VPS50: variants seen among roughly 807,000 people sequenced by gnomAD.
VPS50 encodes the protein VPS50 subunit of EARP/GARPII complex.
VPS50 carries 70 observed loss-of-function variants against 139.7 expected under a neutral mutation model. The observed-to-expected ratio is 0.50, with a 90% CI of 0.41 to 0.61. The LOEUF (loss-of-function observed/expected upper bound fraction) is 0.61. VPS50 is among the 20% of genes least tolerant of loss of function. The pLI, the probability that VPS50 is intolerant of heterozygous loss-of-function variation, is 0.00. For synonymous variants in VPS50, 365 were observed against 376.7 expected, an observed-to-expected ratio of 0.97 and a Z score of 0.36; for missense variants, 921 against 1,133.7, an observed-to-expected ratio of 0.81 and a Z score of 2.69.
At chr7:93,297,068 TG>T (rs764168933) in intron 15 of VPS50, 76 bp from the exon 16 acceptor site, 63 of 1,503,412 alleles carry the variant, frequency 4.2e-5, no homozygotes, top group Non-Finnish European at 5.2e-5. Context: ...TTTTTATCTT[TG>T]AAGAAAGAGA....
intron 21 of VPS50, among the ~76,000 whole-genome samples, chr7:93,332,840 A>C (rs1401008415): frequency 1.3e-5 from 2 of 152,248 alleles, no homozygotes; most frequent in Non-Finnish European, 2.9e-5. Context: ...GAATCTCAAA[A>C]GCATTCTGAG....
chr7:93,258,896 A>G (rs1014759297), intron 8 of VPS50, among the ~76,000 whole-genome samples: 2 of 152,038 alleles, frequency 1.3e-5, no homozygotes, highest in African/African-American at 4.8e-5. Context: ...GTACTTTGTC[A>G]TTATCAGCAT....
At chr7:93,348,073 T>C (rs568091260) in intron 23 of VPS50, among the ~76,000 whole-genome samples, 2 of 152,302 alleles carry the variant, frequency 1.3e-5, no homozygotes, top group African/African-American at 4.8e-5. Context: ...TTCTTTGGCA[T>C]TTCTATAAAA....
chr7:93,318,134 CAT>C (rs1447003112), intron 20 of VPS50, among the ~76,000 whole-genome samples: 1 of 151,378 alleles, frequency 6.6e-6, no homozygotes, highest in Admixed American at 6.6e-5. Flanking sequence ...TATGAGATAA[CAT>C]ATATTTAGAT....
chr7:93,272,866 A>G, intron 11 of VPS50, 133 bp downstream of exon 11: 2 of 532,656 alleles, frequency 3.8e-6, no homozygotes, highest in Non-Finnish European at 6.6e-6. Context: ...TTCTGAATTA[A>G]CAGTGATAAA....
intron 16 of VPS50, among the ~76,000 whole-genome samples, chr7:93,298,787 A>G (rs1796887232): frequency 6.6e-6 from 1 of 152,240 alleles, no homozygotes. Context: ...AACTTCTCTT[A>G]GAAACATTTG....
intron 12 of VPS50, among the ~76,000 whole-genome samples, chr7:93,281,484 A>G (rs1398297088): frequency 6.6e-6 from 1 of 152,144 alleles, no homozygotes; most frequent in Non-Finnish European, 1.5e-5. Flanking sequence ...TTTACTATGG[A>G]TAATAAGCTG....
intron 21 of VPS50, among the ~76,000 whole-genome samples, chr7:93,333,319 TTGTG>T (rs1184955725): frequency 1.3e-5 from 2 of 152,118 alleles, no homozygotes; most frequent in Non-Finnish European, 2.9e-5. Flanking sequence ...TCATGTATGC[TTGTG>T]TGTGTGTATA....
chr7:93,297,186 A>T lies in VPS50; in HGVS notation c.1304A>T (p.Glu435Val). ...GAAGAATTTTGTGGTAGCAAGTCTG[A>T]AGTTTTACAGGAATCTATTAGAAAA... ...VGEEFCGSKS[E>V]VLQESIRKQS... is the part of the protein sequence containing the mutation. The change falls in exon 16 of 28, where the codon GAA becomes GTA. Residue 435 changes from glutamate to valine, a missense_variant. Physicochemically the swap from Glu to Val is moderately radical, Grantham distance 121. Around this residue, in one of 3 missense-constraint regions of VPS50, gnomAD observed 744 missense variants for 930.6 expected, o/e 0.80. Transcript: ENST00000305866. The T allele has an allele frequency of 6.4e-7, 1 of 1,566,814 alleles. No homozygotes were observed. The highest frequency in any genetic ancestry group is 1.2e-5 in the South Asian group (1 of 80,634).
chr7:93,293,317 T>A (rs1796703036), intron 13 of VPS50, among the ~76,000 whole-genome samples: 1 of 152,178 alleles, frequency 6.6e-6, no homozygotes, highest in South Asian at 2.1e-4. Context: ...TAACACATAT[T>A]TTAGATATCA....
intron 4 of VPS50, among the ~76,000 whole-genome samples, chr7:93,255,385 C>T (rs1244898918): frequency 2.6e-5 from 4 of 152,046 alleles, no homozygotes; most frequent in African/African-American, 9.7e-5. Context: ...CTAATGCCAC[C>T]GCTGATCTGA....
chr7:93,272,723 GA>G lies in VPS50; in HGVS notation c.796del (p.Thr266HisfsTer98). On this transcript the variant is annotated frameshift_variant, in exon 11 of 28. Coordinates refer to ENST00000305866, the MANE Select transcript of VPS50 (RefSeq NM_017667.4). LOFTEE classifies it high-confidence loss of function. ...TKVQQAYRLL[G>X]KTQTAMDQLH... is the part of the protein sequence containing the mutation. ...GTTCAACAAGCTTATCGACTTCTTG[GA>G]AAAACACAGGTTTGTTACAAAAGGA... 6.8e-7 allele frequency: 1 copy of G among 1,468,020 alleles called. No individual in the cohort carries two copies. The highest frequency in any genetic ancestry group is 9.4e-7 in the Non-Finnish European group (1 of 1,067,882). The allele number at this position is 1,468,020 out of a possible 1,614,324, so 90.9% of individuals were successfully genotyped here.
intron 25 of VPS50, among the ~76,000 whole-genome samples, chr7:93,350,687 GA>G (rs200940424): frequency 9.1e-4 from 137 of 150,068 alleles, no homozygotes; most frequent in African/African-American, 2.7e-3. Context: ...ATAATGCTGT[GA>G]AAAAAAAAGC....
intron 10 of VPS50, among the ~76,000 whole-genome samples, chr7:93,272,094 T>G (rs1158677611): frequency 1.3e-5 from 2 of 151,918 alleles, no homozygotes; most frequent in South Asian, 2.1e-4. Flanking sequence ...TAATAGATAT[T>G]ATTCTGTATT....
chr7:93,234,407 T>C (rs1794736937), intron 1 of VPS50, among the ~76,000 whole-genome samples: 2 of 152,144 alleles, frequency 1.3e-5, no homozygotes, highest in African/African-American at 2.4e-5. Context: ...TGGAAAAAAA[T>C]ACATTAAAGA....
chr7:93,257,183 C>T (rs751585565), intron 5 of VPS50, among the ~76,000 whole-genome samples: 3 of 152,006 alleles, frequency 2.0e-5, no homozygotes, highest in Admixed American at 6.6e-5. Context: ...ATTTTGTCAT[C>T]TGTCATTGTG....
intron 20 of VPS50, among the ~76,000 whole-genome samples, chr7:93,314,164 T>C (rs768805837): frequency 6.6e-5 from 10 of 152,210 alleles, no homozygotes; most frequent in Non-Finnish European, 1.0e-4. Flanking sequence ...TGCTTCTTCC[T>C]ACAAAGGGAG....
rs569349678 is a variant in VPS50 at position 93,237,191 on chromosome 7, C to T, written c.34-2675C>T. The stretch of plus-strand genomic sequence containing the variant: ...CAGGATAGTCTCCATCTCCTGACCT[C>T]GTGATCCGCCCGCCTCGGCCTCCCA... On this transcript the variant is annotated intron_variant, in intron 1 of 27. Transcript: ENST00000305866. Among the ~76,000 whole-genome samples the T allele has an allele frequency of 4.0e-5, 6 of 151,216 alleles. No homozygotes were observed. The South Asian group carries it at 1.3e-3, about 32-fold the overall frequency.
At chr7:93,266,581 A>G (rs763476449) in intron 9 of VPS50, among the ~76,000 whole-genome samples, 2 of 152,206 alleles carry the variant, frequency 1.3e-5, no homozygotes, top group African/African-American at 2.4e-5. Flanking sequence ...TATTTCCTGT[A>G]GTGATGGTAA....
Sources: allele counts gnomAD v4.1 joint callset (sites outside exome capture counted in the v4.1 genomes callset), GRCh38; gene constraint gnomAD v4.1.1; regional missense constraint gnomAD v4.1.1; transcripts MANE v1.5; gene names NCBI Gene and HGNC (gene_info 2026-07-23, HGNC 2026-07-21).